THSD4: variants seen among roughly 807,000 people sequenced by gnomAD.
THSD4 encodes the protein thrombospondin type 1 domain containing 4.
A neutral mutation model predicts 119.0 loss-of-function variants in THSD4; 69 were observed. The ratio of observed to expected loss-of-function variants is 0.58; its 90% CI spans 0.48 to 0.71. THSD4 has a LOEUF of 0.71. Ranked by LOEUF, THSD4 falls within the 30% of genes least tolerant of loss-of-function variation. THSD4 has a pLI of 0.00. For missense variants in THSD4, 1,393 were observed against 1,391.1 expected, an observed-to-expected ratio of 1.00 and a Z score of -0.02; for synonymous variants, 524 against 540.4, an observed-to-expected ratio of 0.97 and a Z score of 0.42.
Position 71,517,179 on chromosome 15 carries a change from A to G in THSD4, c.1152+105356A>G, listed in dbSNP as rs149441026. ...TGTCAGATAATAGTTTCTTTCATTG[A>G]CCACTGTCCAAGTAAGCAGCAAGAC... On this transcript the variant is annotated intron_variant, in intron 7 of 17. Transcript: ENST00000261862. Among the ~76,000 whole-genome samples the G allele has an allele frequency of 5.1e-3, 779 of 152,326 alleles. 5 individuals are homozygous for G. Among genetic ancestry groups the G allele is most frequent in the Middle Eastern group, 0.01 (3 of 294 alleles).
intron 6 of THSD4, among the ~76,000 whole-genome samples, chr15:71,272,546 TAAAACTAC>T (rs2044544331): frequency 6.6e-6 from 1 of 151,776 alleles, no homozygotes; most frequent in African/African-American, 2.4e-5. Context: ...AAATACAAAT[TAAAACTAC>T]AATAAGCTAT....
At chr15:71,452,875 AAAGTC>A (rs1352759150) in intron 7 of THSD4, among the ~76,000 whole-genome samples, 1 of 152,172 alleles carries the variant, frequency 6.6e-6, no homozygotes, top group African/African-American at 2.4e-5. Flanking sequence ...TTGGCCTCCC[AAAGTC>A]CTGGGATTAC....
chr15:71,138,330 T>C (rs895992001), intron 1 of THSD4, among the ~76,000 whole-genome samples: 1 of 152,288 alleles, frequency 6.6e-6, no homozygotes, highest in Admixed American at 6.5e-5. Context: ...ATTGCCCCCA[T>C]GATCCAGTCA....
intron 3 of THSD4, among the ~76,000 whole-genome samples, chr15:71,197,128 C>T (rs898158939): frequency 3.3e-5 from 5 of 152,218 alleles, no homozygotes; most frequent in Admixed American, 6.5e-5. Flanking sequence ...CTTAGTGCAA[C>T]AGAACTATTC....
intron 8 of THSD4, among the ~76,000 whole-genome samples, chr15:71,678,801 CCTT>C (rs1567096518): frequency 6.6e-6 from 1 of 152,182 alleles, no homozygotes. Flanking sequence ...AAGACTCACT[CCTT>C]CTGTCTGAAT....
At chr15:71,729,088 G>A in intron 9 of THSD4, 1 of 252,882 alleles carries the variant, frequency 4.0e-6, no homozygotes, top group Non-Finnish European at 7.8e-6. Context: ...TTCTTTTTAT[G>A]GCAAAAGAAA....
chr15:71,364,852 T>G (rs2045935599), intron 6 of THSD4, among the ~76,000 whole-genome samples: 1 of 152,190 alleles, frequency 6.6e-6, no homozygotes, highest in Admixed American at 6.5e-5. Context: ...GGAAGCTGAT[T>G]CTGGGGGTGG....
chr15:71,325,734 C>T (rs1706235432), intron 6 of THSD4, among the ~76,000 whole-genome samples: 1 of 152,010 alleles, frequency 6.6e-6, no homozygotes, highest in Non-Finnish European at 1.5e-5. Flanking sequence ...AAATGCCAAG[C>T]CCAGGTCAGA....
At chr15:71,135,393 A>AC (rs1491220593) in intron 1 of THSD4, among the ~76,000 whole-genome samples, 1 of 10,096 alleles carries the variant, frequency 9.9e-5, no homozygotes, top group Non-Finnish European at 2.0e-4. Context: ...ACTAAATGAC[A>AC]AAAAAAAAAA....
chr15:71,150,133 A>G (rs113301424), intron 2 of THSD4, among the ~76,000 whole-genome samples: 8 of 152,282 alleles, frequency 5.3e-5, no homozygotes, highest in African/African-American at 1.7e-4. Context: ...GTAGCCTTCA[A>G]TCTGTCAAAA....
At chr15:71,143,700 CTTTTTTTTTTTT>C (rs546375502) in intron 2 of THSD4, among the ~76,000 whole-genome samples, 3 of 100,744 alleles carry the variant, frequency 3.0e-5, no homozygotes, top group African/African-American at 1.1e-4. Context: ...TTTTTTCTTT[CTTTTTTTTTTTT>C]TTTTTTTCAA....
chr15:71,364,425 C>A (rs1208399647), intron 6 of THSD4, among the ~76,000 whole-genome samples: 1 of 152,218 alleles, frequency 6.6e-6, no homozygotes, highest in African/African-American at 2.4e-5. Context: ...CCCACCTTAT[C>A]TGGGGTACTT....
intron 7 of THSD4, among the ~76,000 whole-genome samples, chr15:71,624,505 G>A (rs537396884): frequency 1.3e-5 from 2 of 152,336 alleles, no homozygotes; most frequent in African/African-American, 4.8e-5. Context: ...TTGCCATGGA[G>A]TGACAGCCTT....
intron 6 of THSD4, among the ~76,000 whole-genome samples, chr15:71,259,983 C>T (rs1267855705): frequency 1.3e-5 from 2 of 152,186 alleles, no homozygotes; most frequent in Non-Finnish European, 2.9e-5. Flanking sequence ...TTCCACACTA[C>T]ACTGAGCAGT....
At chr15:71,768,652 C>T (rs1358727928) in intron 16 of THSD4, among the ~76,000 whole-genome samples, 1 of 145,918 alleles carries the variant, frequency 6.9e-6, no homozygotes, top group East Asian at 2.0e-4. Flanking sequence ...GCAACCTCTG[C>T]CTCCCAGGTT....
At chr15:71,332,966 A>G (rs1299278889) in intron 6 of THSD4, among the ~76,000 whole-genome samples, 4 of 123,780 alleles carry the variant, frequency 3.2e-5, no homozygotes, top group Admixed American at 1.1e-4. Context: ...GACAATTCTT[A>G]TTCCAGTGTG....
chr15:71,100,227 A>C (rs895795907), intron 1 of THSD4, among the ~76,000 whole-genome samples: 1 of 152,198 alleles, frequency 6.6e-6, no homozygotes, highest in African/African-American at 2.4e-5. Context: ...CAACCAATAG[A>C]ATATGGTAAG....
intron 7 of THSD4, among the ~76,000 whole-genome samples, chr15:71,630,162 C>A (rs1435718198): frequency 3.3e-5 from 5 of 152,112 alleles, no homozygotes; most frequent in Admixed American, 6.6e-5. Context: ...AACAAACAGA[C>A]AAAAAACAGA....
At position 71,566,801 on chromosome 15, in the gene THSD4, C is replaced by G. The variant is rs1595890504; in HGVS notation, c.1153-93729C>G. ...ACTTGGTCATCACCTTGAGAGATCTCCAGACATTGGCATTTCTTTCCATGG... is the reference window on the plus strand; with the variant it reads ...ACTTGGTCATCACCTTGAGAGATCTGCAGACATTGGCATTTCTTTCCATGG... On this transcript the variant is annotated intron_variant, in intron 7 of 17. Coordinates refer to ENST00000261862, the MANE Select transcript of THSD4 (RefSeq NM_024817.3). Among the ~76,000 whole-genome samples, 2 of 151,078 alleles carry G rather than the reference C, an allele frequency of 1.3e-5. 1 individual carries two copies. Among genetic ancestry groups the G allele is most frequent in the Admixed American group, 1.3e-4 (2 of 15,176 alleles).
Sources: gnomAD v4.1 joint callset for allele counts (sites outside exome capture counted in the v4.1 genomes callset) on GRCh38, gnomAD v4.1.1 for gene constraint, MANE v1.5 for transcripts, NCBI Gene and HGNC (gene_info 2026-07-23, HGNC 2026-07-21) for gene names.